Variants in FMNL3 observed in about 807,000 individuals in gnomAD.
FMNL3 encodes formin-like protein 3.
FMNL3 carries 57 observed loss-of-function variants against 119.6 expected under a neutral mutation model. That is an observed-to-expected ratio of 0.48 (90% CI 0.39 to 0.59). The LOEUF (loss-of-function observed/expected upper bound fraction) is 0.59. Among genes scored for constraint, FMNL3 ranks in the 20% least tolerant of loss-of-function variants. The pLI is 0.00. For missense variants in FMNL3, 1,053 were observed against 1,323.5 expected (o/e 0.80, Z 3.17); for synonymous variants, 491 against 507.3 (o/e 0.97, Z 0.43).
Position 49,636,668 on chromosome 12 carries a change from G to T in FMNL3, c.*9147C>A. 1 of 1,610,430 alleles carries T rather than the reference G, an allele frequency of 6.2e-7. No individual in the cohort carries two copies. On this transcript the variant is annotated 3_prime_UTR_variant, in exon 26 of 26. Coordinates refer to ENST00000335154, the MANE Select transcript of FMNL3 (RefSeq NM_175736.5). ...ACATTAGGGGTGCTGGGGTCTGAGA[G>T]GGTATCCTGCTGGGACAATGCCCGC...
At chr12:49,674,448 C>T (rs950996815) in intron 1 of FMNL3, among the ~76,000 whole-genome samples, 1 of 152,204 alleles carries the variant, frequency 6.6e-6, no homozygotes, top group African/African-American at 2.4e-5. Context: ...AGGCCTCCAG[C>T]CCTGGTCCTG....
intron 5 of FMNL3, among the ~76,000 whole-genome samples, chr12:49,660,497 C>T (rs1219129276): frequency 1.3e-5 from 2 of 152,196 alleles, no homozygotes; most frequent in African/African-American, 2.4e-5. Context: ...CGAGGTATGA[C>T]TTCTGCTGAG....
At chr12:49,695,973 A>C (rs1004087307) in intron 1 of FMNL3, among the ~76,000 whole-genome samples, 18 of 152,290 alleles carry the variant, frequency 1.2e-4, no homozygotes, top group African/African-American at 4.3e-4. Flanking sequence ...TGCTTTAGGC[A>C]GGTAGTACCT....
Position 49,644,982 on chromosome 12 carries a change from A to G in FMNL3, c.*833T>C, listed in dbSNP as rs1475591138. Reference sequence around the variant, plus strand: ...GGGGGAGAGTCTGAGGTTTATGTACAGTAAGAGGAAAGGGAGGTGGTACAT... The same window carrying G: ...GGGGGAGAGTCTGAGGTTTATGTACGGTAAGAGGAAAGGGAGGTGGTACAT... On this transcript the variant is annotated 3_prime_UTR_variant, in exon 26 of 26. Transcript: ENST00000335154. The G allele has an allele frequency of 6.6e-6, 1 of 152,096 alleles. No homozygotes were observed. Among genetic ancestry groups the G allele is most frequent in the Non-Finnish European group, 1.5e-5 (1 of 68,032 alleles). The allele number at this position is 152,096 out of a possible 1,614,324, so 9.4% of individuals were successfully genotyped here. A position where few individuals can be genotyped will look rare whatever the true frequency, so the allele number is the denominator to read the frequency against.
At chr12:49,656,316 A>G in intron 9 of FMNL3, 88 bp downstream of exon 9, 1 of 962,024 alleles carries the variant, frequency 1.0e-6, no homozygotes, top group Non-Finnish European at 1.6e-6. Context: ...AAATCATTGC[A>G]GATCACAGGA....
chr12:49,641,891 C>T lies in FMNL3; in HGVS notation c.*3924G>A, dbSNP rs1300523602. The T allele has an allele frequency of 1.7e-5, 27 of 1,609,180 alleles. No individual in the cohort carries two copies. The highest frequency in any genetic ancestry group is 2.3e-5 in the Non-Finnish European group (27 of 1,177,348). On this transcript the variant is annotated 3_prime_UTR_variant, in exon 26 of 26. Transcript: ENST00000335154. ...AGGCACGTGGTGCCCCTGCTTCATG[C>T]ACTGCTGTACCCACAGGACCGGGGC...
chr12:49,676,762 C>A (rs549616924), intron 1 of FMNL3, among the ~76,000 whole-genome samples: 2 of 152,192 alleles, frequency 1.3e-5, no homozygotes, highest in South Asian at 4.1e-4. Flanking sequence ...TTTCTGAGTT[C>A]TCTTATCTAT....
At position 49,636,717 on chromosome 12, in the gene FMNL3, C is replaced by T. The variant is rs1432993695; in HGVS notation, c.*9098G>A. 3.1e-6 allele frequency: 5 copies of T among 1,613,964 alleles called. No homozygotes were observed. The highest frequency in any genetic ancestry group is 4.5e-5 in the East Asian group (2 of 44,888). ...GCGGAACCTCCTGCCTGTCTTTAGACATGGACAAGGAAGATGCACTGATCT... is the reference window on the plus strand; with the variant it reads ...GCGGAACCTCCTGCCTGTCTTTAGATATGGACAAGGAAGATGCACTGATCT... On this transcript the variant is annotated 3_prime_UTR_variant, in exon 26 of 26. Transcript: ENST00000335154.
At position 49,660,676 on chromosome 12, in the gene FMNL3, G is replaced by T. The variant is rs553817179; in HGVS notation, c.452+1290C>A. Among the ~76,000 whole-genome samples the T allele has an allele frequency of 2.6e-5, 4 of 152,374 alleles. No individual in the cohort carries two copies. The South Asian group carries it at 8.3e-4, about 32-fold the overall frequency. On this transcript the variant is annotated intron_variant, in intron 5 of 25. Coordinates refer to ENST00000335154, the MANE Select transcript of FMNL3 (RefSeq NM_175736.5). ...ACAGTAGTTAGAAAAGTGGAAGCTG[G>T]TTGGGAGCAGCGGCTCACGCCTGCA...
In FMNL3 at chr12:49,649,828, C is replaced by G; in HGVS notation, c.2098G>C (p.Glu700Gln). 6.2e-7 allele frequency: 1 copy of G among 1,614,202 alleles called. No individual in the cohort carries two copies. Among genetic ancestry groups the G allele is most frequent in the Non-Finnish European group, 8.5e-7 (1 of 1,180,042 alleles). Residue 700 changes from glutamate (E) to glutamine (Q), a missense_variant, in exon 18 of 26, where the codon GAG (glutamate) becomes CAG (glutamine). By Grantham distance (29) the Glu-to-Gln change is conservative. This residue lies in a region of FMNL3 where 445 missense variants were observed against 628.4 expected (regional missense o/e 0.71). Coordinates refer to ENST00000335154, the MANE Select transcript of FMNL3 (RefSeq NM_175736.5). This position sits in a 1 kb window ranked among gnomAD's most constrained non-coding sequence, Gnocchi z 5.6. Reference protein sequence around the residue: ...EVKLLRQYERERQPLEELAAE... With the variant: ...EVKLLRQYERQRQPLEELAAE... The stretch of plus-strand genomic sequence containing the variant: ...GCCAACTCCTCCAGGGGCTGCCGCT[C>G]CCGCTCATATTGCCGCAGCAGCTTT...
chr12:49,646,641 G>C, intron 25 of FMNL3: 1 of 1,524,504 alleles, frequency 6.6e-7, no homozygotes, highest in Non-Finnish European at 8.8e-7. Context: ...CCCAGTACCT[G>C]TCGGGCCCCA....
chr12:49,647,106 G>A lies in FMNL3; in HGVS notation c.2872-97C>T. The A allele has an allele frequency of 6.3e-7, 1 of 1,584,668 alleles. No homozygotes were observed. The highest frequency in any genetic ancestry group is 8.6e-7 in the Non-Finnish European group (1 of 1,160,884). On this transcript the variant is annotated intron_variant, in intron 24 of 25. Transcript: ENST00000335154. This position sits in a 1 kb window ranked among gnomAD's most constrained non-coding sequence, Gnocchi z 4.9. ...GCAGTCTGAGGATGCCACTGCTTGTGCACTGCTAGGAATCCCCAAAGGCCC... is the reference window on the plus strand; with the variant it reads ...GCAGTCTGAGGATGCCACTGCTTGTACACTGCTAGGAATCCCCAAAGGCCC...
Position 49,653,123 on chromosome 12 carries a change from C to A in FMNL3, c.1323+103G>T. 2.8e-6 allele frequency: 3 copies of A among 1,081,004 alleles called. No homozygotes were observed. In the South Asian group the frequency reaches 3.9e-5, roughly 14 times the overall value. 67.0% of individuals were successfully genotyped at this position (1,081,004 alleles called of 1,614,324 possible). A position where few individuals can be genotyped will look rare whatever the true frequency, so the allele number is the denominator to read the frequency against. On this transcript the variant is annotated intron_variant, in intron 13 of 25. Coordinates refer to ENST00000335154, the MANE Select transcript of FMNL3 (RefSeq NM_175736.5). ...GAGTACCTCAAGGGTGAATCAAGATCTAAATCCTAGAGAACTTGATATGAC... is the reference window on the plus strand; with the variant it reads ...GAGTACCTCAAGGGTGAATCAAGATATAAATCCTAGAGAACTTGATATGAC...
In FMNL3 at chr12:49,642,201, G is replaced by C. The variant is rs776858763; in HGVS notation, c.*3614C>G. The C allele has an allele frequency of 9.3e-6, 15 of 1,613,898 alleles. No individual in the cohort carries two copies. The highest frequency in any genetic ancestry group is 1.1e-5 in the Non-Finnish European group (13 of 1,179,986). On this transcript the variant is annotated 3_prime_UTR_variant, in exon 26 of 26. Transcript: ENST00000335154. The surrounding 1 kb of genome is among the most constrained non-coding windows in gnomAD (Gnocchi z 5.8). ...AGTGGGACCTGGCATCCACCCTCCTGGGTGACCCTGTTCCGTGTCCCTTCT... is the reference window on the plus strand; with the variant it reads ...AGTGGGACCTGGCATCCACCCTCCTCGGTGACCCTGTTCCGTGTCCCTTCT...
chr12:49,689,764 C>T (rs12315791), intron 1 of FMNL3, among the ~76,000 whole-genome samples: 26,413 of 152,156 alleles, frequency 0.17, 3,313 homozygotes, highest in African/African-American at 0.36. Flanking sequence ...GGCCATCTGT[C>T]CTGATCCAAG....
chr12:49,675,583 G>T (rs1030665393), intron 1 of FMNL3, among the ~76,000 whole-genome samples: 1 of 152,092 alleles, frequency 6.6e-6, no homozygotes, highest in African/African-American at 2.4e-5. Flanking sequence ...CCCTCCCAAG[G>T]TCTCTCATCT....
At position 49,637,195 on chromosome 12, in the gene FMNL3, G is replaced by A; in HGVS notation, c.*8620C>T. 1.7e-6 allele frequency: 1 copy of A among 575,520 alleles called. No individual in the cohort carries two copies. Among genetic ancestry groups the A allele is most frequent in the Non-Finnish European group, 3.1e-6 (1 of 323,176 alleles). The allele number at this position is 575,520 out of a possible 1,614,324, so 35.7% of individuals were successfully genotyped here. ...TGGGGGTGGCAGTGGTGGTGGTAGT[G>A]CTAGGGGTTACTGCAGGCAGGTTTC... On this transcript the variant is annotated 3_prime_UTR_variant, in exon 26 of 26. Coordinates refer to ENST00000335154, the MANE Select transcript of FMNL3 (RefSeq NM_175736.5).
chr12:49,655,527 T>C (rs1943542856), intron 9 of FMNL3, among the ~76,000 whole-genome samples: 1 of 152,184 alleles, frequency 6.6e-6, no homozygotes, highest in African/African-American at 2.4e-5. Context: ...CCTGTGCCCT[T>C]AAGCTGGGCT....
At chr12:49,705,861 C>T (rs1945035074) in intron 1 of FMNL3, among the ~76,000 whole-genome samples, 1 of 152,236 alleles carries the variant, frequency 6.6e-6, no homozygotes, top group African/African-American at 2.4e-5. Flanking sequence ...GTCAGATTCT[C>T]TACCATCGGA....
Sources: gnomAD v4.1 joint callset for allele counts (sites outside exome capture counted in the v4.1 genomes callset) on GRCh38, gnomAD v4.1.1 for gene constraint, gnomAD v4.1.1 regional missense constraint, Gnocchi (gnomAD v3.1) non-coding constraint, MANE v1.5 for transcripts, NCBI Gene and HGNC (gene_info 2026-07-23, HGNC 2026-07-21) for gene names.